Variants in ECI1 observed in about 807,000 individuals in gnomAD.
ECI1 encodes the protein enoyl-CoA delta isomerase 1, mitochondrial.
ECI1 carries 34 observed loss-of-function variants against 34.2 expected under a neutral mutation model. The ratio of observed to expected loss-of-function variants is 1.00; its 90% CI spans 0.76 to 1.33. The LOEUF (loss-of-function observed/expected upper bound fraction) is 1.33, where lower values mean the gene tolerates loss of function less well. ECI1 is among the 40% of genes most tolerant of loss of function. The pLI is 0.00. For synonymous variants in ECI1, 211 were observed against 193.0 expected, an observed-to-expected ratio of 1.09 and a Z score of -0.77; for missense variants, 456 against 422.2, an observed-to-expected ratio of 1.08 and a Z score of -0.70.
intron 6 of ECI1, chr16:2,240,718 A>G (rs1389776152): frequency 1.3e-5 from 2 of 152,544 alleles, no homozygotes; most frequent in East Asian, 4.0e-4. Context: ...TATTTTTGAG[A>G]TGGAGTCTGT....
chr16:2,249,345 G>A (rs1045373511), intron 2 of ECI1, among the ~76,000 whole-genome samples: 2 of 151,758 alleles, frequency 1.3e-5, no homozygotes, highest in Non-Finnish European at 2.9e-5. Flanking sequence ...CACCGGGCCC[G>A]GACTCAAAAA....
At chr16:2,242,960 G>A in intron 6 of ECI1, 86 bp downstream of exon 6, 1 of 1,063,496 alleles carries the variant, frequency 9.4e-7, no homozygotes, top group Non-Finnish European at 1.4e-6. Context: ...GTCTCCCGAA[G>A]TCACGATGTC....
At position 2,251,412 on chromosome 16, in the gene ECI1, CGCCCGGGAGCCGG is replaced by C. The variant is rs756205408; in HGVS notation, c.57_69del (p.Leu21ProfsTer35). 8 of 1,360,444 alleles carry C rather than the reference CGCCCGGGAGCCGG, an allele frequency of 5.9e-6. No individual in the cohort carries two copies. In the South Asian group the frequency reaches 8.7e-5, roughly 15 times the overall value. 84.3% of individuals were successfully genotyped at this position (1,360,444 alleles called of 1,614,324 possible). A position where few individuals can be genotyped will look rare whatever the true frequency, so the allele number is the denominator to read the frequency against. Reference sequence around the variant, plus strand: ...GCCCGCTCCGTCCGCCCGAGGGCCGCGCCCGGGAGCCGGGCCCCTGCGAAGGCAGCGTGGGGGA... The same window carrying C: ...GCCCGCTCCGTCCGCCCGAGGGCCGCGCCCCTGCGAAGGCAGCGTGGGGGA... On this transcript the variant is annotated frameshift_variant, in exon 2 of 7. Coordinates refer to ENST00000301729, the MANE Select transcript of ECI1 (RefSeq NM_001919.4). LOFTEE classifies it high-confidence loss of function.
chr16:2,251,488 G>C (rs1311726442), intron 1 of ECI1, 27 bp downstream of exon 1: 1 of 1,553,450 alleles, frequency 6.4e-7, no homozygotes, highest in Non-Finnish European at 8.7e-7. Context: ...GCCCCGGCCC[G>C]ATCCCTGCCC....
chr16:2,249,876 CAAAAAAAAAAAAA>C (rs869259386), intron 2 of ECI1, among the ~76,000 whole-genome samples: 6 of 20,350 alleles, frequency 2.9e-4, no homozygotes, highest in Non-Finnish European at 3.8e-4. Flanking sequence ...GACTCCGTCT[CAAAAAAAAAAAAA>C]AAAAAAAAAA....
In ECI1 at chr16:2,243,211, G is replaced by C. The variant is rs551988132; in HGVS notation, c.577C>G (p.Leu193Val). 1 of 1,611,728 alleles carries C rather than the reference G, an allele frequency of 6.2e-7. No individual in the cohort carries two copies. Among genetic ancestry groups the C allele is most frequent in the African/African-American group, 1.3e-5 (1 of 74,938 alleles). ...GCCCGGTGCCCGATGGTGTTCTCCA[G>C]GGTGTCTTTCAACCTGGAAATGCAG... is the stretch of plus-strand genomic sequence containing the variant. ...IIAPFWLKDT[L>V]ENTIGHRAAE... is the part of the protein sequence containing the mutation. Residue 193 changes from leucine (L) to valine (V), a missense_variant, in exon 6 of 7, where the codon CTG (leucine) becomes GTG (valine). Coordinates refer to ENST00000301729, the MANE Select transcript of ECI1 (RefSeq NM_001919.4).
chr16:2,250,222 G>A (rs1383671483), intron 2 of ECI1, among the ~76,000 whole-genome samples: 1 of 128,444 alleles, frequency 7.8e-6, no homozygotes. Context: ...TTGCGCCACT[G>A]CACTCCAGTC....
intron 3 of ECI1, among the ~76,000 whole-genome samples, chr16:2,245,162 G>T (rs552953029): frequency 6.6e-6 from 1 of 152,160 alleles, no homozygotes; most frequent in African/African-American, 2.4e-5. Flanking sequence ...GAGGAGTGGA[G>T]AACCCACCCT....
Position 2,240,273 on chromosome 16 carries a change from G to T in ECI1, c.743-128C>A, listed in dbSNP as rs1010188687. ...GTCGCCCAGGCTGGAGTGCAATGGT[G>T]GGATCTTGGCTCACTGCAACCTCCG... On this transcript the variant is annotated intron_variant, in intron 6 of 6. Coordinates refer to ENST00000301729, the MANE Select transcript of ECI1 (RefSeq NM_001919.4). 4 of 1,042,412 alleles carry T rather than the reference G, an allele frequency of 3.8e-6. No individual in the cohort carries two copies. The Admixed American group carries it at 6.3e-5, about 16-fold the overall frequency. 64.6% of individuals were successfully genotyped at this position (1,042,412 alleles called of 1,614,324 possible).
intron 2 of ECI1, among the ~76,000 whole-genome samples, chr16:2,248,508 G>GGT (rs1388263418): frequency 6.6e-6 from 1 of 151,878 alleles, no homozygotes; most frequent in Non-Finnish European, 1.5e-5. Context: ...TCTGCCTCCT[G>GGT]GGTTCAAGCC....
chr16:2,243,545 C>A (rs1029171296), intron 4 of ECI1, 106 bp from the exon 5 acceptor site: 20 of 1,422,200 alleles, frequency 1.4e-5, no homozygotes, highest in African/African-American at 2.8e-5. Flanking sequence ...GCACCCCGAC[C>A]CCCGCAGGGT....
chr16:2,246,843 C>G lies in ECI1; in HGVS notation c.294+16G>C. On this transcript the variant is annotated intron_variant, in intron 3 of 6. Coordinates refer to ENST00000301729, the MANE Select transcript of ECI1 (RefSeq NM_001919.4). The stretch of plus-strand genomic sequence containing the variant: ...CAAGAACTCGGGCTGGGGTAGGGAG[C>G]TGAACTAGCACCTACCGAGGTCAGA... 6.2e-7 allele frequency: 1 copy of G among 1,611,826 alleles called. No homozygotes were observed.
At position 2,251,359 on chromosome 16, in the gene ECI1, G is replaced by C; in HGVS notation, c.123C>G (p.Arg41=). 8.0e-7 allele frequency: 1 copy of C among 1,244,414 alleles called. No homozygotes were observed. The highest frequency in any genetic ancestry group is 1.0e-6 in the Non-Finnish European group (1 of 995,100). The allele number at this position is 1,244,414 out of a possible 1,614,324, so 77.1% of individuals were successfully genotyped here. Residue 41 remains arginine, a synonymous_variant, in exon 2 of 7, where the codon CGC becomes CGG. Transcript: ENST00000301729. ...RAAGGGDGAR[R]FGSQRVLVEP... is the part of the protein sequence containing the mutation. The stretch of plus-strand genomic sequence containing the variant: ...CCACCAGCACCCGCTGGCTCCCGAA[G>C]CGCCGCGCGCCGTCTCCGCCGCCGG...
At chr16:2,246,821 G>T (rs745857313) in intron 3 of ECI1, 38 bp downstream of exon 3, 26 of 1,611,256 alleles carry the variant, frequency 1.6e-5, no homozygotes, top group Non-Finnish European at 2.0e-5. Context: ...CTCAGGCCAA[G>T]AACTCGGGCT....
intron 2 of ECI1, among the ~76,000 whole-genome samples, chr16:2,250,680 G>A (rs1169712088): frequency 6.6e-6 from 1 of 152,226 alleles, no homozygotes; most frequent in African/African-American, 2.4e-5. Context: ...TTTACCAAGG[G>A]TTCTGACGGG....
chr16:2,244,514 C>T lies in ECI1; in HGVS notation c.333G>A (p.Thr111=), dbSNP rs373950696. 114 of 1,602,290 alleles carry T rather than the reference C, an allele frequency of 7.1e-5. No individual in the cohort carries two copies. Among genetic ancestry groups the T allele is most frequent in the South Asian group, 2.5e-4 (22 of 89,110 alleles). ...GGGCGGGGCTCCTCCCACACATCTCCGTCAGGTCCAGGCCGGCCGAGAAGA... is the reference window on the plus strand; with the variant it reads ...GGGCGGGGCTCCTCCCACACATCTCTGTCAGGTCCAGGCCGGCCGAGAAGA... ...PGVFSAGLDL[T]EMCGRSPAHY... Residue 111 remains threonine, a synonymous_variant, in exon 4 of 7, where the codon ACG becomes ACA. Transcript: ENST00000301729.
At position 2,243,050 on chromosome 16, in the gene ECI1, A is replaced by T. The variant is rs2093531361; in HGVS notation, c.738T>A (p.Ile246=). The change falls in exon 6 of 7, where the codon ATT becomes ATA. Residue 246 remains isoleucine (I), a synonymous_variant. Coordinates refer to ENST00000301729, the MANE Select transcript of ECI1 (RefSeq NM_001919.4). ...CCGCCATGCCCCGTGCCTCACCTGG[A>T]ATGGCCATCCACTGGGCTATCGCTG... The part of the protein sequence containing the change: ...ALSAIAQWMA[I]PDHARQLTKA... 1 of 1,602,156 alleles carries T rather than the reference A, an allele frequency of 6.2e-7. No individual in the cohort carries two copies. Among genetic ancestry groups the T allele is most frequent in the Non-Finnish European group, 8.5e-7 (1 of 1,179,302 alleles).
chr16:2,242,090 C>T (rs1416618706), intron 6 of ECI1, among the ~76,000 whole-genome samples: 3 of 152,076 alleles, frequency 2.0e-5, no homozygotes, highest in Admixed American at 6.6e-5. Flanking sequence ...GATCTCCTGA[C>T]CTTGTGATCC....
chr16:2,246,064 C>CAAA (rs2093539463), intron 3 of ECI1, among the ~76,000 whole-genome samples: 1 of 152,126 alleles, frequency 6.6e-6, no homozygotes, highest in Non-Finnish European at 1.5e-5. Flanking sequence ...TAAAGCCACG[C>CAAA]CAGCCTCCGA....
Sources: gnomAD v4.1 joint callset for allele counts (sites outside exome capture counted in the v4.1 genomes callset) on GRCh38, gnomAD v4.1.1 for gene constraint, MANE v1.5 for transcripts, NCBI Gene and HGNC (gene_info 2026-07-23, HGNC 2026-07-21) for gene names.